Variants in SASH1 observed in about 807,000 individuals in gnomAD.
SASH1 encodes the protein SAM and SH3 domain-containing protein 1.
A neutral mutation model predicts 125.2 loss-of-function variants in SASH1; 44 were observed. The ratio of observed to expected loss-of-function variants is 0.35; its 90% CI spans 0.28 to 0.45. SASH1 has a LOEUF of 0.45. Ranked by LOEUF, SASH1 falls within the 20% of genes least tolerant of loss-of-function variation. The pLI, the probability that SASH1 is intolerant of heterozygous loss-of-function variation, is 1.00. For synonymous variants in SASH1, 639 were observed against 649.1 expected, an observed-to-expected ratio of 0.98 and a Z score of 0.24; for missense variants, 1,426 against 1,614.5, an observed-to-expected ratio of 0.88 and a Z score of 2.00.
intron 1 of SASH1, among the ~76,000 whole-genome samples, chr6:148,337,484 A>G (rs900077459): frequency 6.6e-6 from 1 of 152,216 alleles, no homozygotes; most frequent in East Asian, 1.9e-4. Context: ...TCGGCCTCCC[A>G]AAGTGGTGGG....
chr6:148,389,107 G>GACTA (rs1365664937), intron 1 of SASH1, among the ~76,000 whole-genome samples: 1 of 152,224 alleles, frequency 6.6e-6, no homozygotes, highest in Non-Finnish European at 1.5e-5. Context: ...TCTAAAGGAA[G>GACTA]ACTATAGTGT....
chr6:148,392,733 G>A (rs1783782144), intron 2 of SASH1, among the ~76,000 whole-genome samples: 1 of 152,218 alleles, frequency 6.6e-6, no homozygotes, highest in Admixed American at 6.5e-5. Context: ...AGTTGACTGA[G>A]GCTGAGAAGT....
At chr6:148,302,304 T>A in intron 1 of SASH1, among the ~76,000 whole-genome samples, 1 of 77,214 alleles carries the variant, frequency 1.3e-5, no homozygotes, top group Non-Finnish European at 2.2e-5. Flanking sequence ...AGAGCAAGAC[T>A]CCGTCTCAAA....
the SASH1 span, among the ~76,000 whole-genome samples, chr6:148,204,269 G>T: frequency 6.6e-6 from 1 of 152,234 alleles, no homozygotes; most frequent in African/African-American, 2.4e-5. Flanking sequence ...GGTGCTGGAT[G>T]CTACTGTATA....
At chr6:148,387,592 CTTTCTTTCTTTCTTTCTTTCTT>C (rs1783461463) in intron 1 of SASH1, among the ~76,000 whole-genome samples, 1 of 8,576 alleles carries the variant, frequency 1.2e-4, no homozygotes, top group Admixed American at 1.7e-3. Flanking sequence ...TTCTTTCTTT[CTTTCTTTCTTTCTTTCTTTCTT>C]TCTTTCTTTC....
chr6:148,543,233 G>T (rs939702720), intron 17 of SASH1, among the ~76,000 whole-genome samples: 2 of 152,208 alleles, frequency 1.3e-5, no homozygotes, highest in African/African-American at 4.8e-5. Flanking sequence ...AGATCACTCT[G>T]TAGGGGATAC....
In SASH1 at chr6:148,544,707, G is replaced by A. The variant is rs760674316; in HGVS notation, c.3237G>A (p.Pro1079=). 8.1e-6 allele frequency: 13 copies of A among 1,611,246 alleles called. 1 individual carries two copies. Among genetic ancestry groups the A allele is most frequent in the South Asian group, 5.5e-5 (5 of 90,546 alleles). The change falls in exon 18 of 20, where the codon CCG becomes CCA. Residue 1079 remains proline, a synonymous_variant. Coordinates refer to ENST00000367467, the MANE Select transcript of SASH1 (RefSeq NM_015278.5). This position sits in a 1 kb window ranked among gnomAD's most constrained non-coding sequence, Gnocchi z 6.4. ...AGGAGCACGGTGTGAAGCTGGGCCC[G>A]GCTTTGACCAGGAAGGTCTCCTGTG... is the stretch of plus-strand genomic sequence containing the variant. ...SLQEHGVKLG[P]ALTRKVSCAR...
chr6:148,487,921 T>G (rs941413258), intron 8 of SASH1, among the ~76,000 whole-genome samples: 2 of 151,270 alleles, frequency 1.3e-5, no homozygotes, highest in South Asian at 2.1e-4. Flanking sequence ...GGGTTTTGTT[T>G]TTTTTTTTTT....
chr6:148,437,775 G>A (rs1215105076), intron 2 of SASH1, among the ~76,000 whole-genome samples: 1 of 152,154 alleles, frequency 6.6e-6, no homozygotes, highest in Non-Finnish European at 1.5e-5. Flanking sequence ...ATTATAAGTA[G>A]CAAATGAACA....
the SASH1 span, among the ~76,000 whole-genome samples, chr6:148,222,309 C>T: frequency 6.6e-6 from 1 of 152,192 alleles, no homozygotes; most frequent in Admixed American, 6.5e-5. Context: ...CACACATTTT[C>T]CTTCTTGCCT....
At chr6:148,438,822 C>T (rs923078707) in intron 2 of SASH1, among the ~76,000 whole-genome samples, 1 of 151,314 alleles carries the variant, frequency 6.6e-6, no homozygotes, top group Non-Finnish European at 1.5e-5. Flanking sequence ...TGCGGTGCAG[C>T]GTTGTCAGCC....
chr6:148,486,088 TA>T (rs1206193491), intron 7 of SASH1, among the ~76,000 whole-genome samples: 1 of 152,188 alleles, frequency 6.6e-6, no homozygotes, highest in Non-Finnish European at 1.5e-5. Context: ...AAAAAATTTT[TA>T]AAAGTAAATC....
At chr6:148,237,004 G>A in the SASH1 span, among the ~76,000 whole-genome samples, 2 of 152,148 alleles carry the variant, frequency 1.3e-5, no homozygotes, top group South Asian at 2.1e-4. Context: ...GACCCTCACC[G>A]GATCTGGGCC....
At chr6:148,411,404 T>C (rs1046549540) in intron 2 of SASH1, among the ~76,000 whole-genome samples, 1 of 152,176 alleles carries the variant, frequency 6.6e-6, no homozygotes, top group South Asian at 2.1e-4. Flanking sequence ...TTCAGTCTTA[T>C]GCAATTATAT....
chr6:148,318,660 C>T (rs1780547271), intron 1 of SASH1, among the ~76,000 whole-genome samples: 1 of 141,160 alleles, frequency 7.1e-6, no homozygotes, highest in Non-Finnish European at 1.6e-5. Context: ...TCAAGCGATT[C>T]TCCTGCCTCA....
chr6:148,505,853 G>T (rs1029753126), intron 8 of SASH1, among the ~76,000 whole-genome samples: 8 of 151,650 alleles, frequency 5.3e-5, no homozygotes, highest in Non-Finnish European at 1.0e-4. Context: ...GTTCAGGCTG[G>T]TCTCGAACTC....
chr6:148,402,786 T>G (rs1391245166), intron 2 of SASH1, among the ~76,000 whole-genome samples: 1 of 151,572 alleles, frequency 6.6e-6, no homozygotes, highest in Non-Finnish European at 1.5e-5. Context: ...TTTTTTCTAT[T>G]TTTTAGTAGA....
intron 1 of SASH1, among the ~76,000 whole-genome samples, chr6:148,319,501 TTTTTGTTTTTTTG>T (rs1321715467): frequency 6.6e-6 from 1 of 152,008 alleles, no homozygotes; most frequent in African/African-American, 2.4e-5. Context: ...ATGTATAAGA[TTTTTGTTTTTTTG>T]TTTTGTTTTT....
intron 16 of SASH1, among the ~76,000 whole-genome samples, chr6:148,537,107 C>CATG (rs1781893553): frequency 6.6e-6 from 1 of 152,190 alleles, no homozygotes; most frequent in South Asian, 2.1e-4. Context: ...TAACTGATAA[C>CATG]ATGATAGGTT....
Sources: gnomAD v4.1 joint callset for allele counts (sites outside exome capture counted in the v4.1 genomes callset) on GRCh38, gnomAD v4.1.1 for gene constraint, Gnocchi (gnomAD v3.1) non-coding constraint, MANE v1.5 for transcripts, NCBI Gene and HGNC (gene_info 2026-07-23, HGNC 2026-07-21) for gene names.